Variants in ZNF521 observed in about 807,000 individuals in gnomAD.
ZNF521 encodes the protein LYST-interacting protein 3.
ZNF521 carries 14 observed loss-of-function variants against 105.5 expected under a neutral mutation model. That is an observed-to-expected ratio of 0.13 (90% CI 0.09 to 0.21). ZNF521 has a LOEUF of 0.21. Among genes scored for constraint, ZNF521 ranks in the 10% least tolerant of loss-of-function variants. The pLI is 1.00. For missense variants in ZNF521, 1,233 were observed against 1,629.7 expected, an observed-to-expected ratio of 0.76 and a Z score of 4.19; for synonymous variants, 635 against 606.0, an observed-to-expected ratio of 1.05 and a Z score of -0.70.
At chr18:25,180,953 A>C (rs1381407779) in intron 5 of ZNF521, among the ~76,000 whole-genome samples, 2 of 152,188 alleles carry the variant, frequency 1.3e-5, no homozygotes, top group African/African-American at 4.8e-5. Flanking sequence ...GTATTCCTTC[A>C]TGTAAGTGAT....
intron 3 of ZNF521, among the ~76,000 whole-genome samples, chr18:25,235,903 G>A (rs560689061): frequency 1.3e-5 from 2 of 151,308 alleles, no homozygotes; most frequent in African/African-American, 4.9e-5. Flanking sequence ...AGAAAAAGCT[G>A]TTACAAAGAT....
At chr18:25,128,780 A>G (rs569139488) in intron 5 of ZNF521, among the ~76,000 whole-genome samples, 92 of 152,052 alleles carry the variant, frequency 6.1e-4, no homozygotes, top group South Asian at 2.5e-3. Context: ...AAACTACAAA[A>G]CTCTGATGCA....
chr18:25,266,578 A>C (rs1909266002), intron 3 of ZNF521, among the ~76,000 whole-genome samples: 1 of 152,144 alleles, frequency 6.6e-6, no homozygotes, highest in African/African-American at 2.4e-5. Flanking sequence ...CTGCTTGGAC[A>C]GTGGGTGCAG....
chr18:25,350,417 C>G (rs1413335283), intron 2 of ZNF521, among the ~76,000 whole-genome samples: 2 of 152,080 alleles, frequency 1.3e-5, no homozygotes, highest in Non-Finnish European at 2.9e-5. Flanking sequence ...GCCGGGACCC[C>G]GGGCCACGTT....
chr18:25,187,351 C>T (rs1245850346), intron 5 of ZNF521, among the ~76,000 whole-genome samples: 1 of 151,808 alleles, frequency 6.6e-6, no homozygotes, highest in Non-Finnish European at 1.5e-5. Context: ...TTAAACGATA[C>T]AATTTCTCTA....
chr18:25,344,853 T>C (rs1052656836), intron 2 of ZNF521, among the ~76,000 whole-genome samples: 6 of 152,238 alleles, frequency 3.9e-5, no homozygotes, highest in African/African-American at 1.4e-4. Context: ...GAGGAATGTA[T>C]TCTGTGGCAA....
At chr18:25,155,230 A>T (rs1243723065) in intron 5 of ZNF521, among the ~76,000 whole-genome samples, 4 of 151,972 alleles carry the variant, frequency 2.6e-5, no homozygotes, top group Admixed American at 2.6e-4. Flanking sequence ...CAAGTTCTTT[A>T]CCCATTTTTT....
rs370530167 is a variant in ZNF521, at chr18:25,227,411, G to A, written c.507C>T (p.Thr169=). The part of the protein sequence containing the change: ...RSRDRHIKLH[T]GDKKYHCSEC... ...CACTGCAGTGGTACTTCTTGTCCCC[G>A]GTGTGGAGTTTTATGTGGCGATCTC... Residue 169 remains threonine, a synonymous_variant, in exon 4 of 8, where the codon ACC becomes ACT. Coordinates refer to ENST00000361524, the MANE Select transcript of ZNF521 (RefSeq NM_015461.3). The surrounding 1 kb of genome is among the most constrained non-coding windows in gnomAD (Gnocchi z 5.7). 17 of 1,613,960 alleles carry A rather than the reference G, an allele frequency of 1.1e-5. No homozygotes were observed. Among genetic ancestry groups the A allele is most frequent in the African/African-American group, 6.7e-5 (5 of 74,880 alleles).
chr18:25,257,641 T>C (rs1022378127), intron 3 of ZNF521, among the ~76,000 whole-genome samples: 2 of 152,160 alleles, frequency 1.3e-5, no homozygotes, highest in Admixed American at 6.5e-5. Flanking sequence ...CTAAAGGCAA[T>C]AGGAAAACAG....
chr18:25,313,302 A>T (rs987304270), intron 3 of ZNF521, among the ~76,000 whole-genome samples: 2 of 152,138 alleles, frequency 1.3e-5, no homozygotes, highest in African/African-American at 2.4e-5. Flanking sequence ...CAAAATCCTC[A>T]GATTTTGACA....
chr18:25,086,578 T>G (rs2033628102), intron 7 of ZNF521, among the ~76,000 whole-genome samples: 1 of 152,198 alleles, frequency 6.6e-6, no homozygotes, highest in South Asian at 2.1e-4. Context: ...TGCGAAATAT[T>G]GACTGTGTAG....
rs567753973 is a variant in ZNF521 at position 25,159,090 on chromosome 18, G to C, written c.3658+36070C>G. On this transcript the variant is annotated intron_variant, in intron 5 of 7. Transcript: ENST00000361524. ...CTGCTTTATCCAAGTCTGCCCATCA[G>C]AGTGATTTGCCCGGTTGCCCCCATT... 3.9e-5 allele frequency among the ~76,000 whole-genome samples: 6 copies of C among 152,260 alleles called. No homozygotes were observed. In the East Asian group the frequency reaches 1.2e-3, roughly 29 times the overall value.
At position 25,062,566 on chromosome 18, in the gene ZNF521, A is replaced by G; in HGVS notation, c.*146T>C. The G allele has an allele frequency of 1.8e-6, 2 of 1,120,952 alleles. No individual in the cohort carries two copies. Among genetic ancestry groups the G allele is most frequent in the South Asian group, 2.8e-5 (2 of 72,278 alleles). The allele number at this position is 1,120,952 out of a possible 1,614,324, so 69.4% of individuals were successfully genotyped here. Reference sequence around the variant, plus strand: ...TGCGCAAAAGTTCAAACACATGAACATCCAACAGTTTGATAATACAAGTTT... The same window carrying G: ...TGCGCAAAAGTTCAAACACATGAACGTCCAACAGTTTGATAATACAAGTTT... On this transcript the variant is annotated 3_prime_UTR_variant, in exon 8 of 8. Coordinates refer to ENST00000361524, the MANE Select transcript of ZNF521 (RefSeq NM_015461.3).
intron 3 of ZNF521, among the ~76,000 whole-genome samples, chr18:25,241,190 T>C (rs959329662): frequency 1.3e-5 from 2 of 152,184 alleles, no homozygotes; most frequent in Non-Finnish European, 2.9e-5. Context: ...TTGTCCATTA[T>C]CTTAGTGTGT....
intron 7 of ZNF521, among the ~76,000 whole-genome samples, chr18:25,064,515 T>C (rs2032999994): frequency 2.0e-5 from 3 of 152,240 alleles, no homozygotes; most frequent in South Asian, 4.1e-4. Context: ...GACATGAAGA[T>C]GGAGCTGGTT....
chr18:25,266,483 C>T (rs1305279461), intron 3 of ZNF521, among the ~76,000 whole-genome samples: 4 of 150,930 alleles, frequency 2.7e-5, no homozygotes, highest in East Asian at 3.9e-4. Flanking sequence ...GGAACAGGTC[C>T]GGTCTGCAGC....
At chr18:25,222,776 C>T (rs753187932) in intron 4 of ZNF521, among the ~76,000 whole-genome samples, 2 of 152,112 alleles carry the variant, frequency 1.3e-5, no homozygotes, top group Non-Finnish European at 2.9e-5. Context: ...TAAATATGAA[C>T]CTCTTACAGA....
At chr18:25,079,161 G>A (rs1003347925) in intron 7 of ZNF521, among the ~76,000 whole-genome samples, 21 of 152,240 alleles carry the variant, frequency 1.4e-4, no homozygotes, top group Non-Finnish European at 2.1e-4. Flanking sequence ...GCGCCAGTGC[G>A]TGGGGTCTGG....
rs2033933760 is a variant in ZNF521, at chr18:25,099,961, A to C, written c.3659-7880T>G. The stretch of plus-strand genomic sequence containing the variant: ...GAGAACTGAGACAGTGCAAGAGTCA[A>C]TATTAATTCCACACAGTGGGGGGCC... On this transcript the variant is annotated intron_variant, in intron 5 of 7. Coordinates refer to ENST00000361524, the MANE Select transcript of ZNF521 (RefSeq NM_015461.3). Among the ~76,000 whole-genome samples, 3 of 152,338 alleles carry C rather than the reference A, an allele frequency of 2.0e-5. No homozygotes were observed. The South Asian group carries it at 6.2e-4, about 32-fold the overall frequency.
Sources: gnomAD v4.1 joint callset for allele counts (sites outside exome capture counted in the v4.1 genomes callset) on GRCh38, gnomAD v4.1.1 for gene constraint, Gnocchi (gnomAD v3.1) non-coding constraint, MANE v1.5 for transcripts, NCBI Gene and HGNC (gene_info 2026-07-23, HGNC 2026-07-21) for gene names.